The following TECR variants were observed in gnomAD, a reference collection of about 807,000 sequenced individuals.
TECR encodes the protein trans-2,3-enoyl-CoA reductase.
Under a neutral mutation model 50.6 loss-of-function variants are expected in TECR, and 19 were observed. The observed-to-expected ratio is 0.38, with a 90% confidence interval of 0.26 to 0.55. The LOEUF (loss-of-function observed/expected upper bound fraction) is 0.55, where lower values mean the gene tolerates loss of function less well. TECR is among the 20% of genes least tolerant of loss of function. The pLI, the probability that TECR is intolerant of heterozygous loss-of-function variation, is 0.79. For synonymous variants in TECR, 168 were observed against 163.5 expected, an observed-to-expected ratio of 1.03 and a Z score of -0.21; for missense variants, 313 against 408.3, an observed-to-expected ratio of 0.77 and a Z score of 2.01.
At chr19:14,531,305 G>C in intron 1 of TECR, 1 of 152,086 alleles carries the variant, frequency 6.6e-6, no homozygotes, top group East Asian at 1.9e-4. Context: ...CCAAAGTACT[G>C]GGATTACAGG....
chr19:14,559,441 G>A (rs1047599634), intron 1 of TECR, among the ~76,000 whole-genome samples: 5 of 151,994 alleles, frequency 3.3e-5, no homozygotes, highest in Non-Finnish European at 5.9e-5. Flanking sequence ...GTTTCCTAGC[G>A]TAACTTATTT....
chr19:14,557,020 T>A (rs1004186271), intron 1 of TECR, among the ~76,000 whole-genome samples: 1 of 152,176 alleles, frequency 6.6e-6, no homozygotes, highest in Admixed American at 6.5e-5. Flanking sequence ...TTCAAGAGCA[T>A]GGTCAGCGTC....
chr19:14,559,988 G>A (rs933362759), intron 1 of TECR, among the ~76,000 whole-genome samples: 2 of 151,844 alleles, frequency 1.3e-5, no homozygotes, highest in Non-Finnish European at 1.5e-5. Flanking sequence ...GGCATTTCTT[G>A]TCTGTAGGGG....
At chr19:14,547,944 G>A (rs1233294525) in intron 1 of TECR, among the ~76,000 whole-genome samples, 1 of 150,430 alleles carries the variant, frequency 6.6e-6, no homozygotes, top group African/African-American at 2.5e-5. Flanking sequence ...CCAACCATGT[G>A]TGTGTTTAAT....
rs2073977768 is a variant in TECR, at chr19:14,563,887, A to G, written c.251A>G (p.Gln84Arg). 1 of 1,614,028 alleles carries G rather than the reference A, an allele frequency of 6.2e-7. No individual in the cohort carries two copies. The highest frequency in any genetic ancestry group is 1.7e-5 in the Admixed American group (1 of 60,014). Residue 84 changes from glutamine to arginine, a missense_variant, in exon 5 of 13, where the codon CAG becomes CGG. Gln to Arg is a conservative substitution (Grantham distance 43). Transcript: ENST00000215567. This position sits in a 1 kb window ranked among gnomAD's most constrained non-coding sequence, Gnocchi z 5.3. ...CTGTACTTCCGGGACCTGGGGGCCC[A>G]GATCAGCTGGGTGACGGTGAGTCCT... is the stretch of plus-strand genomic sequence containing the variant. ...ATLYFRDLGA[Q>R]ISWVTVFLTE... is the part of the protein sequence containing the mutation.
chr19:14,562,149 A>G, intron 1 of TECR: 3 of 566,912 alleles, frequency 5.3e-6, no homozygotes, highest in Non-Finnish European at 9.4e-6. Context: ...TGGGGGGCGC[A>G]GTCTGGGGTG....
chr19:14,554,135 G>A (rs1400734754), intron 1 of TECR, among the ~76,000 whole-genome samples: 4 of 152,164 alleles, frequency 2.6e-5, no homozygotes. Flanking sequence ...TGGTCTTCTG[G>A]GCTCTGGGAT....
chr19:14,555,227 C>T (rs572243988), intron 1 of TECR, among the ~76,000 whole-genome samples: 8 of 151,568 alleles, frequency 5.3e-5, no homozygotes, highest in Admixed American at 4.6e-4. Context: ...ACCATAGGTG[C>T]GAGTCACCAC....
chr19:14,553,138 C>G (rs1399913366), intron 1 of TECR, among the ~76,000 whole-genome samples: 1 of 152,110 alleles, frequency 6.6e-6, no homozygotes, highest in Admixed American at 6.5e-5. Context: ...TCGCCCAAGC[C>G]AGGAGCTCGT....
At chr19:14,529,815 A>G in intron 1 of TECR, 104 bp downstream of exon 1, 1 of 1,550,190 alleles carries the variant, frequency 6.5e-7, no homozygotes, top group Non-Finnish European at 8.9e-7. Flanking sequence ...CCCCGAAGGA[A>G]GAGCCAGACG....
At chr19:14,561,777 C>T (rs1184754485) in intron 1 of TECR, among the ~76,000 whole-genome samples, 2 of 152,210 alleles carry the variant, frequency 1.3e-5, no homozygotes, top group Admixed American at 6.5e-5. Context: ...TCTGTCACCT[C>T]CCTGGTAACA....
At chr19:14,529,883 T>C in intron 1 of TECR, 172 bp downstream of exon 1, 1 of 884,916 alleles carries the variant, frequency 1.1e-6, no homozygotes, top group Non-Finnish European at 1.8e-6. Context: ...CCAATGCGCA[T>C]GTGCGCAGGA....
At chr19:14,541,846 A>C (rs1245451125) in intron 1 of TECR, among the ~76,000 whole-genome samples, 1 of 150,946 alleles carries the variant, frequency 6.6e-6, no homozygotes, top group East Asian at 1.9e-4. Context: ...GCAATGGCAC[A>C]ATCTTGGGTC....
chr19:14,542,337 A>C, intron 1 of TECR, among the ~76,000 whole-genome samples: 1 of 101,716 alleles, frequency 9.8e-6, no homozygotes, highest in South Asian at 2.9e-4. Flanking sequence ...GGGGGCCCTC[A>C]TGCCATAGTG....
intron 1 of TECR, among the ~76,000 whole-genome samples, chr19:14,537,561 C>A (rs2072946449): frequency 6.6e-6 from 1 of 152,090 alleles, no homozygotes; most frequent in African/African-American, 2.4e-5. Flanking sequence ...ACAAGCCTGG[C>A]TGCGTGAGAA....
chr19:14,552,594 C>T (rs1009574621), intron 1 of TECR, among the ~76,000 whole-genome samples: 14 of 151,596 alleles, frequency 9.2e-5, no homozygotes, highest in Admixed American at 7.9e-4. Flanking sequence ...AGTGCAGTGG[C>T]GCAATCTCTG....
intron 1 of TECR, among the ~76,000 whole-genome samples, chr19:14,539,404 C>A (rs2073020725): frequency 6.6e-6 from 1 of 152,034 alleles, no homozygotes; most frequent in South Asian, 2.1e-4. Context: ...AAAGAATCAT[C>A]CCAGGAAGTG....
At position 14,559,348 on chromosome 19, in the gene TECR, C is replaced by G. The variant is rs73927066; in HGVS notation, c.16-3177C>G. Among the ~76,000 whole-genome samples, 425 of 152,260 alleles carry G rather than the reference C, an allele frequency of 2.8e-3. 3 individuals carry two copies. The highest frequency in any genetic ancestry group is 9.8e-3 in the African/African-American group (409 of 41,554). ...AGCAGCCACTCCCCATTCCCCCCGC[C>G]CAGCCCCTGGCCCCTCCAATTTGCT... On this transcript the variant is annotated intron_variant, in intron 1 of 12. Coordinates refer to ENST00000215567, the MANE Select transcript of TECR (RefSeq NM_138501.6).
intron 1 of TECR, among the ~76,000 whole-genome samples, chr19:14,549,745 C>A (rs537944278): frequency 1.3e-5 from 2 of 151,948 alleles, no homozygotes; most frequent in Non-Finnish European, 2.9e-5. Flanking sequence ...GAGTTTGAGA[C>A]GAGCCTGACC....
Sources: allele counts gnomAD v4.1 joint callset (sites outside exome capture counted in the v4.1 genomes callset), GRCh38; gene constraint gnomAD v4.1.1; non-coding constraint Gnocchi (gnomAD v3.1); transcripts MANE v1.5; gene names NCBI Gene and HGNC (gene_info 2026-07-23, HGNC 2026-07-21).